Variants in F8 observed in about 807,000 individuals in gnomAD.
F8 encodes antihemophilic factor.
Under a neutral mutation model 140.6 loss-of-function variants are expected in F8, and 12 were observed. The ratio of observed to expected loss-of-function variants is 0.09; its 90% CI spans 0.05 to 0.14. The LOEUF is 0.14. F8 is among the 10% of genes least tolerant of loss of function. The pLI is 1.00. For missense variants in F8, 1,354 were observed against 1,720.7 expected (o/e 0.79, Z 3.77); for synonymous variants, 585 against 614.6 (o/e 0.95, Z 0.71).
chrX:154,962,394 T>A (rs1557281647), intron 9 of F8, among the ~76,000 whole-genome samples: 1 of 112,465 alleles, frequency 8.9e-6, no homozygotes, highest in Admixed American at 9.4e-5. Flanking sequence ...TTTAGATGCC[T>A]GGTGAGGACA....
At chrX:154,980,515 T>G (rs782000732) in intron 6 of F8, among the ~76,000 whole-genome samples, 1 of 112,404 alleles carries the variant, frequency 8.9e-6, no homozygotes, top group East Asian at 2.8e-4. Flanking sequence ...TGGCACGATT[T>G]TTTGTTCATT....
chrX:154,993,481 T>C (rs2073600224), intron 3 of F8, among the ~76,000 whole-genome samples: 1 of 111,670 alleles, frequency 9.0e-6, no homozygotes, highest in Admixed American at 9.5e-5. Flanking sequence ...CTTAAACTCC[T>C]GACCTTGTGA....
At chrX:154,951,555 T>A (rs1557280745) in intron 12 of F8, among the ~76,000 whole-genome samples, 1 of 112,280 alleles carries the variant, frequency 8.9e-6, no homozygotes, top group Non-Finnish European at 1.9e-5. Flanking sequence ...TTATTCATAT[T>A]GTTGTGTATA....
At chrX:154,946,541 AC>A (rs782203116) in intron 13 of F8, among the ~76,000 whole-genome samples, 1 of 112,061 alleles carries the variant, frequency 8.9e-6, no homozygotes, top group African/African-American at 3.2e-5. Context: ...ATGAAACTAT[AC>A]CCCTATCTCT....
At chrX:154,874,458 C>G (rs782818213) in intron 22 of F8, among the ~76,000 whole-genome samples, 1 of 112,471 alleles carries the variant, frequency 8.9e-6, no homozygotes, top group East Asian at 2.8e-4. Flanking sequence ...GGCCTTCTTT[C>G]TATATCATAA....
intron 23 of F8, among the ~76,000 whole-genome samples, chrX:154,862,619 T>C (rs1445205109): frequency 5.4e-5 from 6 of 111,358 alleles, no homozygotes; most frequent in Non-Finnish European, 3.8e-5. Flanking sequence ...TAGCTCCCAC[T>C]TATGAGAACA....
intron 1 of F8, among the ~76,000 whole-genome samples, chrX:155,018,382 T>C (rs1323443486): frequency 9.0e-6 from 1 of 111,550 alleles, no homozygotes; most frequent in Non-Finnish European, 1.9e-5. Context: ...ACGAGTTTTA[T>C]ATATTAATGT....
In F8 at chrX:154,953,961, G is replaced by A. The variant is rs137852428; in HGVS notation, c.1834C>T (p.Arg612Cys). 9.9e-6 allele frequency: 12 copies of A among 1,209,599 alleles called. No homozygotes were observed. The highest frequency in any genetic ancestry group is 6.6e-5 in the Admixed American group (3 of 45,762). The change falls in exon 12 of 26, where the codon CGC becomes TGC. Residue 612 changes from arginine (R) to cysteine (C), a missense_variant. Coordinates refer to ENST00000360256, the MANE Select transcript of F8 (RefSeq NM_000132.4). Reference protein sequence around the residue: ...RSWYLTENIQRFLPNPAGVQL... With the variant: ...RSWYLTENIQCFLPNPAGVQL... ...ACTCCAGCTGGATTGGGGAGAAAGCGTTGTATATTCTCTGTGAGGTACCAG... is the reference window on the plus strand; with the variant it reads ...ACTCCAGCTGGATTGGGGAGAAAGCATTGTATATTCTCTGTGAGGTACCAG...
intron 22 of F8, among the ~76,000 whole-genome samples, chrX:154,892,973 A>G (rs2072954558): frequency 9.0e-6 from 1 of 111,727 alleles, no homozygotes; most frequent in South Asian, 3.7e-4. Flanking sequence ...TTTACAATCT[A>G]TTCTCTCTGA....
At chrX:154,980,418 T>C (rs782448867) in intron 6 of F8, among the ~76,000 whole-genome samples, 3 of 112,176 alleles carry the variant, frequency 2.7e-5, no homozygotes, top group Non-Finnish European at 5.6e-5. Context: ...CTGTGTTTTA[T>C]AAAAGTTTGT....
chrX:154,948,962 G>A (rs782744548), intron 12 of F8, among the ~76,000 whole-genome samples: 3 of 111,241 alleles, frequency 2.7e-5, no homozygotes, highest in Non-Finnish European at 5.7e-5. Context: ...AGATGTAAGC[G>A]GAAACTTAAT....
chrX:154,952,806 T>C (rs2073344716), intron 12 of F8, among the ~76,000 whole-genome samples: 1 of 111,818 alleles, frequency 8.9e-6, no homozygotes, highest in Non-Finnish European at 1.9e-5. Context: ...CCTCCCAAAG[T>C]GCTGGGATTA....
At chrX:154,978,479 C>A (rs1418860540) in intron 6 of F8, among the ~76,000 whole-genome samples, 1 of 111,884 alleles carries the variant, frequency 8.9e-6, no homozygotes, top group African/African-American at 3.3e-5. Flanking sequence ...TATTAACAAT[C>A]CAATTACACT....
chrX:154,903,384 C>A (rs1321239547), intron 18 of F8, among the ~76,000 whole-genome samples: 4 of 111,450 alleles, frequency 3.6e-5, no homozygotes, highest in Non-Finnish European at 5.7e-5. Context: ...CTTGCTTTGT[C>A]ACCCAGGCTG....
chrX:154,850,633 T>A (rs1324447687), intron 25 of F8, among the ~76,000 whole-genome samples: 4 of 110,470 alleles, frequency 3.6e-5, no homozygotes, highest in African/African-American at 1.3e-4. Context: ...GCCTCTCTCG[T>A]TGGCTTGTAG....
chrX:154,849,922 G>A (rs1557272029), intron 25 of F8, among the ~76,000 whole-genome samples: 1 of 110,453 alleles, frequency 9.1e-6, no homozygotes, highest in East Asian at 2.8e-4. Context: ...GATAATACAT[G>A]GATTTTAGAA....
chrX:155,013,145 C>CAAAAAAA (rs34940593), intron 1 of F8, among the ~76,000 whole-genome samples: 4 of 34,012 alleles, frequency 1.2e-4, no homozygotes, highest in African/African-American at 2.3e-4. Flanking sequence ...GACTCCGTCT[C>CAAAAAAA]AAAAAAAAAA....
chrX:155,016,324 C>T (rs1219313778), intron 1 of F8, among the ~76,000 whole-genome samples: 2 of 111,682 alleles, frequency 1.8e-5, no homozygotes, highest in Non-Finnish European at 3.8e-5. Flanking sequence ...AACTGGAACT[C>T]TCATGCATTG....
At chrX:154,978,153 C>T (rs2073497736) in intron 6 of F8, among the ~76,000 whole-genome samples, 1 of 109,407 alleles carries the variant, frequency 9.1e-6, no homozygotes, top group Non-Finnish European at 1.9e-5. Context: ...TCTTTCATAG[C>T]CTCAATTGTT....
Sources: allele counts gnomAD v4.1 joint callset (sites outside exome capture counted in the v4.1 genomes callset), GRCh38; gene constraint gnomAD v4.1.1; transcripts MANE v1.5; gene names NCBI Gene and HGNC (gene_info 2026-07-23, HGNC 2026-07-21).